Variants in RPS6KC1 observed in about 807,000 individuals in gnomAD.
RPS6KC1 encodes inactive ribosomal protein S6 kinase delta-1.
RPS6KC1 carries 54 observed loss-of-function variants against 103.8 expected under a neutral mutation model. The observed-to-expected ratio is 0.52, with a 90% CI of 0.42 to 0.65. The LOEUF (loss-of-function observed/expected upper bound fraction) is 0.65. Ranked by LOEUF, RPS6KC1 falls within the 30% of genes least tolerant of loss-of-function variation. The pLI, the probability that RPS6KC1 is intolerant of heterozygous loss-of-function variation, is 0.00. For synonymous variants in RPS6KC1, 439 were observed against 438.7 expected (o/e 1.00, Z -0.01); for missense variants, 1,151 against 1,253.8 (o/e 0.92, Z 1.24).
the RPS6KC1 span, among the ~76,000 whole-genome samples, chr1:213,281,291 A>G: frequency 1.3e-5 from 2 of 152,232 alleles, no homozygotes; most frequent in Admixed American, 6.5e-5. Context: ...CTTCATAAAC[A>G]TGATATGGGG....
chr1:213,375,038 CACAT>C, the RPS6KC1 span, among the ~76,000 whole-genome samples: 4 of 151,870 alleles, frequency 2.6e-5, no homozygotes, highest in East Asian at 1.9e-4. Context: ...CACACACATA[CACAT>C]ACATACACAC....
the RPS6KC1 span, among the ~76,000 whole-genome samples, chr1:213,612,520 T>A: frequency 6.6e-6 from 1 of 152,214 alleles, no homozygotes; most frequent in African/African-American, 2.4e-5. Flanking sequence ...AATGGCTACC[T>A]TCCATGGTTT....
the RPS6KC1 span, among the ~76,000 whole-genome samples, chr1:213,667,812 T>C: frequency 6.6e-6 from 1 of 152,226 alleles, no homozygotes; most frequent in Non-Finnish European, 1.5e-5. Context: ...AAATCCTCTG[T>C]CATCATTTTA....
the RPS6KC1 span, among the ~76,000 whole-genome samples, chr1:213,855,703 T>C: frequency 6.6e-6 from 1 of 152,248 alleles, no homozygotes; most frequent in Non-Finnish European, 1.5e-5. Flanking sequence ...GGCTACCCGG[T>C]CCACTGCAAA....
At chr1:213,850,198 C>T in the RPS6KC1 span, among the ~76,000 whole-genome samples, 1 of 152,062 alleles carries the variant, frequency 6.6e-6, no homozygotes, top group Non-Finnish European at 1.5e-5. Flanking sequence ...AATGCTTCTG[C>T]CATTTTACTT....
At chr1:213,188,308 G>A (rs1355110872) in intron 8 of RPS6KC1, among the ~76,000 whole-genome samples, 1 of 152,034 alleles carries the variant, frequency 6.6e-6, no homozygotes, top group African/African-American at 2.4e-5. Context: ...GTAGTTGGGT[G>A]GAGGGAGGGT....
At chr1:213,728,965 T>TTTTTTTTTTTC in the RPS6KC1 span, among the ~76,000 whole-genome samples, 1 of 141,124 alleles carries the variant, frequency 7.1e-6, no homozygotes, top group African/African-American at 2.7e-5. Flanking sequence ...TTTTTTTTTT[T>TTTTTTTTTTTC]ACCAGTGGAC....
At chr1:213,202,499 G>A (rs2148588943) in intron 8 of RPS6KC1, among the ~76,000 whole-genome samples, 1 of 152,194 alleles carries the variant, frequency 6.6e-6, no homozygotes, top group African/African-American at 2.4e-5. Context: ...TGTAATCCCA[G>A]CTACTTGGGA....
At chr1:213,575,851 C>T in the RPS6KC1 span, among the ~76,000 whole-genome samples, 1 of 152,276 alleles carries the variant, frequency 6.6e-6, no homozygotes, top group Admixed American at 6.5e-5. Context: ...AGGAATTTAG[C>T]ACCCAGCTCA....
At chr1:213,839,497 G>A in the RPS6KC1 span, among the ~76,000 whole-genome samples, 17 of 152,106 alleles carry the variant, frequency 1.1e-4, no homozygotes, top group Admixed American at 6.6e-4. Context: ...ATTCAAACTC[G>A]CATTTTAAGT....
chr1:213,860,274 C>A, the RPS6KC1 span, among the ~76,000 whole-genome samples: 1 of 151,230 alleles, frequency 6.6e-6, no homozygotes, highest in East Asian at 1.9e-4. Context: ...TTACTATAAA[C>A]CCTGAATTCT....
chr1:213,079,062 G>GT (rs1457776045), intron 3 of RPS6KC1, among the ~76,000 whole-genome samples: 2 of 151,974 alleles, frequency 1.3e-5, no homozygotes, highest in African/African-American at 4.8e-5. Flanking sequence ...TTATATAACA[G>GT]TATATATATT....
the RPS6KC1 span, among the ~76,000 whole-genome samples, chr1:213,523,980 G>A: frequency 5.5e-4 from 83 of 152,286 alleles, no homozygotes; most frequent in African/African-American, 1.9e-3. Context: ...CAAGTACAAA[G>A]TCACGGCGGG....
At chr1:213,082,822 T>G (rs1415584406) in intron 3 of RPS6KC1, among the ~76,000 whole-genome samples, 3 of 152,322 alleles carry the variant, frequency 2.0e-5, no homozygotes, top group African/African-American at 7.2e-5. Context: ...AAATGACTTC[T>G]GAGCAAATAT....
At chr1:213,540,559 G>A in the RPS6KC1 span, among the ~76,000 whole-genome samples, 3 of 152,032 alleles carry the variant, frequency 2.0e-5, no homozygotes, top group South Asian at 2.1e-4. Flanking sequence ...CCATGTTGCC[G>A]ACGTGGGTCT....
chr1:213,595,691 T>C, the RPS6KC1 span, among the ~76,000 whole-genome samples: 1 of 152,242 alleles, frequency 6.6e-6, no homozygotes, highest in African/African-American at 2.4e-5. Context: ...TGCTAACTTT[T>C]TGCAGGATGC....
the RPS6KC1 span, among the ~76,000 whole-genome samples, chr1:213,457,209 G>C: frequency 2.0e-5 from 3 of 152,206 alleles, no homozygotes; most frequent in Non-Finnish European, 2.9e-5. Flanking sequence ...CTTTCCAGCT[G>C]TCTGTCTTTG....
At chr1:213,593,935 G>A in the RPS6KC1 span, among the ~76,000 whole-genome samples, 1 of 152,196 alleles carries the variant, frequency 6.6e-6, no homozygotes, top group East Asian at 1.9e-4. Context: ...GTGAGATCTT[G>A]GCTCACTGCA....
At chr1:213,057,236 C>T (rs1230849809) in intron 1 of RPS6KC1, among the ~76,000 whole-genome samples, 3 of 152,080 alleles carry the variant, frequency 2.0e-5, no homozygotes, top group East Asian at 3.8e-4. Context: ...CCACCATGCC[C>T]GGCTGACTCT....
Sources: allele counts gnomAD v4.1 joint callset (sites outside exome capture counted in the v4.1 genomes callset), GRCh38; gene constraint gnomAD v4.1.1; transcripts MANE v1.5; gene names NCBI Gene and HGNC (gene_info 2026-07-23, HGNC 2026-07-21).